The following FAM171B variants were observed in gnomAD, a reference collection of about 807,000 sequenced individuals.
FAM171B encodes protein FAM171B.
FAM171B carries 19 observed loss-of-function variants against 75.6 expected under a neutral mutation model. That is an observed-to-expected ratio of 0.25 (90% CI 0.18 to 0.37). The LOEUF (loss-of-function observed/expected upper bound fraction) is 0.37. FAM171B is among the 10% of genes least tolerant of loss of function. The pLI, the probability that FAM171B is intolerant of heterozygous loss-of-function variation, is 1.00. For missense variants in FAM171B, 848 were observed against 982.4 expected (o/e 0.86, Z 1.83); for synonymous variants, 367 against 361.7 (o/e 1.01, Z -0.17).
intron 1 of FAM171B, among the ~76,000 whole-genome samples, chr2:186,733,446 C>T (rs1169628346): frequency 6.6e-6 from 1 of 152,174 alleles, no homozygotes; most frequent in East Asian, 1.9e-4. Flanking sequence ...ATCATTTTGT[C>T]ACAGGAGCCT....
At chr2:186,694,775 ACAC>A (rs1273259501) in intron 1 of FAM171B, among the ~76,000 whole-genome samples, 28 of 151,058 alleles carry the variant, frequency 1.9e-4, no homozygotes, top group Non-Finnish European at 3.7e-4. Context: ...ACACACACAC[ACAC>A]ACACACACAC....
intron 1 of FAM171B, among the ~76,000 whole-genome samples, chr2:186,696,511 C>T (rs575669831): frequency 7.0e-6 from 1 of 142,696 alleles, no homozygotes; most frequent in South Asian, 2.5e-4. Flanking sequence ...CCTCCAATGG[C>T]TTCCCGTCTC....
intron 1 of FAM171B, among the ~76,000 whole-genome samples, chr2:186,732,953 C>G (rs1472434965): frequency 6.6e-6 from 1 of 152,200 alleles, no homozygotes; most frequent in Non-Finnish European, 1.5e-5. Flanking sequence ...AGAGACAGCC[C>G]TTCCCTGGTG....
chr2:186,750,886 C>A (rs1690442863), intron 4 of FAM171B, among the ~76,000 whole-genome samples: 1 of 151,914 alleles, frequency 6.6e-6, no homozygotes, highest in African/African-American at 2.4e-5. Flanking sequence ...ATTCTAGTGC[C>A]CCTTACATCA....
At chr2:186,705,105 A>G (rs1574096234) in intron 1 of FAM171B, among the ~76,000 whole-genome samples, 1 of 152,248 alleles carries the variant, frequency 6.6e-6, no homozygotes, top group African/African-American at 2.4e-5. Context: ...TACAGCTCCT[A>G]TGGTGTTATA....
At chr2:186,734,957 G>A (rs1056601653) in intron 1 of FAM171B, among the ~76,000 whole-genome samples, 1 of 152,232 alleles carries the variant, frequency 6.6e-6, no homozygotes, top group African/African-American at 2.4e-5. Flanking sequence ...GCCAGACAGT[G>A]GAAGCAGGCA....
intron 1 of FAM171B, among the ~76,000 whole-genome samples, chr2:186,715,699 G>A (rs759870073): frequency 4.6e-5 from 7 of 152,060 alleles, no homozygotes; most frequent in African/African-American, 7.2e-5. Flanking sequence ...TTTGATTACC[G>A]TATTTTGATT....
In FAM171B at chr2:186,743,514, G is replaced by A. The variant is rs1240236792; in HGVS notation, c.504G>A (p.Pro168=). The change falls in exon 3 of 8, where the codon CCG becomes CCA. Residue 168 remains proline, a synonymous_variant. Coordinates refer to ENST00000304698, the MANE Select transcript of FAM171B (RefSeq NM_177454.4). ...IYSSVTLSLF[P]QSQANIWLFE... is the part of the protein sequence containing the mutation. Reference sequence around the variant, plus strand: ...CATCAGTTACACTTTCACTGTTCCCGCAAAGCCAAGCAAATATATGGCTAT... The same window carrying A: ...CATCAGTTACACTTTCACTGTTCCCACAAAGCCAAGCAAATATATGGCTAT... The A allele has an allele frequency of 3.2e-5, 51 of 1,612,330 alleles. No homozygotes were observed. Among genetic ancestry groups the A allele is most frequent in the Admixed American group, 5.0e-5 (3 of 59,922 alleles).
intron 1 of FAM171B, among the ~76,000 whole-genome samples, chr2:186,704,334 T>G (rs1024679930): frequency 1.3e-5 from 2 of 152,152 alleles, no homozygotes; most frequent in African/African-American, 2.4e-5. Context: ...TATGTAATAA[T>G]TTTTTTAAAA....
intron 1 of FAM171B, among the ~76,000 whole-genome samples, chr2:186,719,477 C>T (rs1025253210): frequency 1.3e-5 from 2 of 152,164 alleles, no homozygotes; most frequent in African/African-American, 4.8e-5. Context: ...TTGTTGCTCT[C>T]TATCAGGCTA....
In FAM171B at chr2:186,694,067, G is replaced by C. The variant is rs1689534769; in HGVS notation, c.-107G>C. On this transcript the variant is annotated 5_prime_UTR_variant, in exon 1 of 8. Coordinates refer to ENST00000304698, the MANE Select transcript of FAM171B (RefSeq NM_177454.4). The stretch of plus-strand genomic sequence containing the variant: ...CCGGTGAGGGAGTGCTTGGCAGATT[G>C]CGCGAGGGGGAGCGAGCGAGCGGGC... 6.6e-6 allele frequency: 9 copies of C among 1,354,378 alleles called. No homozygotes were observed. In the South Asian group the frequency reaches 1.4e-4, roughly 20 times the overall value. The allele number at this position is 1,354,378 out of a possible 1,614,324, so 83.9% of individuals were successfully genotyped here. A position where few individuals can be genotyped will look rare whatever the true frequency, so the allele number is the denominator to read the frequency against.
chr2:186,713,785 A>T (rs1232696709), intron 1 of FAM171B, among the ~76,000 whole-genome samples: 1 of 152,230 alleles, frequency 6.6e-6, no homozygotes, highest in East Asian at 1.9e-4. Context: ...GCAAGAAAGC[A>T]AGAAAAATAT....
chr2:186,741,911 G>A (rs913977746), intron 2 of FAM171B, among the ~76,000 whole-genome samples: 18 of 152,078 alleles, frequency 1.2e-4, no homozygotes, highest in African/African-American at 4.3e-4. Flanking sequence ...TAGTGAAATG[G>A]AAGCATTCCA....
intron 6 of FAM171B, among the ~76,000 whole-genome samples, chr2:186,755,536 C>T (rs952925970): frequency 2.6e-5 from 4 of 152,138 alleles, no homozygotes; most frequent in East Asian, 3.8e-4. Flanking sequence ...AGTCCTAGTA[C>T]TTACCCTGAT....
chr2:186,752,236 G>T (rs1468487059), intron 5 of FAM171B, among the ~76,000 whole-genome samples: 1 of 152,058 alleles, frequency 6.6e-6, no homozygotes, highest in East Asian at 1.9e-4. Context: ...GATTTATTTA[G>T]ACTTTAGGTC....
At chr2:186,732,463 G>A (rs1690131984) in intron 1 of FAM171B, among the ~76,000 whole-genome samples, 1 of 152,146 alleles carries the variant, frequency 6.6e-6, no homozygotes, top group South Asian at 2.1e-4. Flanking sequence ...TGCCTTCCTA[G>A]AAGAAAGAAT....
At chr2:186,750,334 C>G (rs1227193547) in intron 4 of FAM171B, among the ~76,000 whole-genome samples, 2 of 152,158 alleles carry the variant, frequency 1.3e-5, no homozygotes, top group Non-Finnish European at 2.9e-5. Context: ...ATAGATAGTT[C>G]CTGATATTTA....
At chr2:186,701,081 T>C (rs1280692631) in intron 1 of FAM171B, among the ~76,000 whole-genome samples, 1 of 151,990 alleles carries the variant, frequency 6.6e-6, no homozygotes, top group Non-Finnish European at 1.5e-5. Context: ...CATGCCTGGC[T>C]AAGTTTTGTA....
Position 186,765,587 on chromosome 2 carries a change from T to C in FAM171B, c.*2764T>C, listed in dbSNP as rs1181544349. The C allele has an allele frequency of 6.6e-6, 1 of 152,066 alleles. No homozygotes were observed. Among genetic ancestry groups the C allele is most frequent in the Admixed American group, 6.6e-5 (1 of 15,242 alleles). 9.4% of individuals were successfully genotyped at this position (152,066 alleles called of 1,614,324 possible). A position where few individuals can be genotyped will look rare whatever the true frequency, so the allele number is the denominator to read the frequency against. On this transcript the variant is annotated 3_prime_UTR_variant, in exon 8 of 8. Transcript: ENST00000304698. The stretch of plus-strand genomic sequence containing the variant: ...CAATCATTTTCAGACCACTATGTGT[T>C]TGAATCCTCTGGTATCAATACGTAT...
Sources: allele counts gnomAD v4.1 joint callset (sites outside exome capture counted in the v4.1 genomes callset), GRCh38; gene constraint gnomAD v4.1.1; transcripts MANE v1.5; gene names NCBI Gene and HGNC (gene_info 2026-07-23, HGNC 2026-07-21).